Variants in TSPAN9 observed in about 807,000 individuals in gnomAD.
TSPAN9 encodes tetraspanin 9, also known as tetraspanin-9.
TSPAN9 carries 16 observed loss-of-function variants against 31.0 expected under a neutral mutation model. The ratio of observed to expected loss-of-function variants is 0.52; its 90% confidence interval spans 0.35 to 0.78. The LOEUF is 0.78. Among genes scored for constraint, TSPAN9 ranks in the 30% least tolerant of loss-of-function variants. The pLI is 0.01. For missense variants in TSPAN9, 272 were observed against 312.5 expected (o/e 0.87, Z 0.98); for synonymous variants, 145 against 121.6 (o/e 1.19, Z -1.27).
At chr12:3,142,646 C>T (rs1400732409) in intron 2 of TSPAN9, among the ~76,000 whole-genome samples, 2 of 152,070 alleles carry the variant, frequency 1.3e-5, no homozygotes, top group African/African-American at 2.4e-5. Flanking sequence ...CTGCCCCCTG[C>T]GCCATGCTCT....
At chr12:3,226,662 G>A (rs1303443402) in intron 3 of TSPAN9, among the ~76,000 whole-genome samples, 69 of 206 alleles carry the variant, frequency 0.33, 3 homozygotes, top group East Asian at 0.5. Context: ...ATGTGTGTGT[G>A]TGTGTGTGTG....
At position 3,278,620 on chromosome 12, in the gene TSPAN9, C is replaced by G; in HGVS notation, c.255+8C>G. 1 of 1,610,812 alleles carries G rather than the reference C, an allele frequency of 6.2e-7. No homozygotes were observed. The highest frequency in any genetic ancestry group is 8.5e-7 in the Non-Finnish European group (1 of 1,177,758). ...AAGTGCCTCCTCCTCAGCGTAAGTT[C>G]TGTCCAAATCCCCAGCCCCTCCAAC... On this transcript the variant is annotated splice_region_variant and intron_variant, in intron 4 of 8. Coordinates refer to ENST00000011898, the MANE Select transcript of TSPAN9 (RefSeq NM_006675.5).
intron 2 of TSPAN9, among the ~76,000 whole-genome samples, chr12:3,161,836 G>A (rs2098345509): frequency 6.6e-6 from 1 of 151,952 alleles, no homozygotes. Context: ...TTGTTTTAGA[G>A]ATAGGGTCTC....
At chr12:3,165,552 C>T (rs148663519) in intron 2 of TSPAN9, among the ~76,000 whole-genome samples, 68 of 152,232 alleles carry the variant, frequency 4.5e-4, no homozygotes, top group Non-Finnish European at 8.1e-4. Context: ...TTGCTGCCGC[C>T]GTACTGCAAG....
intron 3 of TSPAN9, among the ~76,000 whole-genome samples, chr12:3,277,751 C>T (rs998690208): frequency 9.2e-5 from 14 of 152,172 alleles, no homozygotes; most frequent in South Asian, 8.3e-4. Context: ...GTTTGGGGGC[C>T]GATCATGCCA....
intron 8 of TSPAN9, among the ~76,000 whole-genome samples, chr12:3,282,468 G>C (rs568515989): frequency 6.6e-6 from 1 of 152,002 alleles, no homozygotes; most frequent in African/African-American, 2.4e-5. Context: ...GTCATAGCTC[G>C]CTGCAGCCAC....
chr12:3,278,603 C>T lies in TSPAN9; in HGVS notation c.246C>T (p.Leu82=). The T allele has an allele frequency of 7.4e-6, 12 of 1,614,024 alleles. No homozygotes were observed. The Middle Eastern group carries it at 4.9e-4, about 67-fold the overall frequency. Residue 82 remains leucine, a synonymous_variant, in exon 4 of 9, where the codon CTC becomes CTT. Transcript: ENST00000011898. ...CLGAIKENKC[L]LLSFFIVLLV... ...GGGCCATCAAGGAAAACAAGTGCCT[C>T]CTCCTCAGCGTAAGTTCTGTCCAAA...
chr12:3,276,493 T>G (rs951658650), intron 3 of TSPAN9, among the ~76,000 whole-genome samples: 3 of 152,194 alleles, frequency 2.0e-5, no homozygotes, highest in African/African-American at 7.2e-5. Context: ...ACTCCGGGGC[T>G]TTTGCACCTG....
intron 3 of TSPAN9, among the ~76,000 whole-genome samples, chr12:3,252,613 A>G (rs894906075): frequency 1.2e-4 from 18 of 152,196 alleles, no homozygotes; most frequent in Non-Finnish European, 7.3e-5. Flanking sequence ...TCCTCTTGTC[A>G]TCACAGCCGG....
At chr12:3,215,761 T>C (rs2098381070) in intron 3 of TSPAN9, among the ~76,000 whole-genome samples, 1 of 152,140 alleles carries the variant, frequency 6.6e-6, no homozygotes, top group Non-Finnish European at 1.5e-5. Flanking sequence ...TTTGCTGCTC[T>C]CTCCAGGCTC....
In TSPAN9 at chr12:3,283,210, C is replaced by T. The variant is rs1016735049; in HGVS notation, c.*94C>T. The T allele has an allele frequency of 2.3e-6, 3 of 1,327,548 alleles. No homozygotes were observed. The highest frequency in any genetic ancestry group is 2.1e-6 in the Non-Finnish European group (2 of 955,050). 82.2% of individuals were successfully genotyped at this position (1,327,548 alleles called of 1,614,324 possible). ...ACCTGCCTGCGCTCTCCAGATATGA[C>T]CCCTGCACCCACCCCCCACAGCCTG... On this transcript the variant is annotated 3_prime_UTR_variant, in exon 9 of 9. Coordinates refer to ENST00000011898, the MANE Select transcript of TSPAN9 (RefSeq NM_006675.5).
chr12:3,266,340 C>T (rs1003040284), intron 3 of TSPAN9, among the ~76,000 whole-genome samples: 22 of 152,116 alleles, frequency 1.4e-4, no homozygotes, highest in Non-Finnish European at 7.4e-5. Flanking sequence ...ACAAAGATGC[C>T]ACTGGGTTGG....
intron 3 of TSPAN9, among the ~76,000 whole-genome samples, chr12:3,275,343 C>T (rs1478990404): frequency 6.6e-6 from 1 of 152,156 alleles, no homozygotes; most frequent in Non-Finnish European, 1.5e-5. Flanking sequence ...GCTCTGGGGT[C>T]CTGCGTGTCT....
chr12:3,187,078 C>T lies in TSPAN9; in HGVS notation c.-17-14099C>T, dbSNP rs899374836. On this transcript the variant is annotated intron_variant, in intron 2 of 8. Transcript: ENST00000011898. This position sits in a 1 kb window ranked among gnomAD's most constrained non-coding sequence, Gnocchi z 5.2. ...TTCCCCTGTAGAGCTGATTGTTGAA[C>T]GTCTGCCAGCCCACCACTGGATTGT... Among the ~76,000 whole-genome samples the T allele has an allele frequency of 5.9e-5, 9 of 152,150 alleles. No homozygotes were observed. Among genetic ancestry groups the T allele is most frequent in the African/African-American group, 1.7e-4 (7 of 41,432 alleles).
intron 3 of TSPAN9, among the ~76,000 whole-genome samples, chr12:3,244,191 G>A (rs761376093): frequency 6.6e-5 from 10 of 152,190 alleles, no homozygotes; most frequent in East Asian, 1.9e-4. Flanking sequence ...TGTCTGTGAC[G>A]CAGCCTTCTT....
At chr12:3,251,138 C>T (rs1166497913) in intron 3 of TSPAN9, among the ~76,000 whole-genome samples, 1 of 152,198 alleles carries the variant, frequency 6.6e-6, no homozygotes, top group East Asian at 1.9e-4. Flanking sequence ...CTGTGGGCTA[C>T]TTAGAAGTTG....
intron 3 of TSPAN9, among the ~76,000 whole-genome samples, chr12:3,221,780 T>G (rs1386212535): frequency 2.0e-5 from 3 of 152,182 alleles, no homozygotes; most frequent in African/African-American, 7.2e-5. Flanking sequence ...CTCAGTCTCC[T>G]AAGTAGCTGG....
chr12:3,227,036 C>T (rs1202288949), intron 3 of TSPAN9, among the ~76,000 whole-genome samples: 1 of 151,362 alleles, frequency 6.6e-6, no homozygotes, highest in Non-Finnish European at 1.5e-5. Context: ...TGACACTTAC[C>T]TGCATGTCTG....
intron 3 of TSPAN9, among the ~76,000 whole-genome samples, chr12:3,222,577 A>C (rs936705784): frequency 5.3e-5 from 8 of 152,108 alleles, no homozygotes; most frequent in African/African-American, 1.7e-4. Flanking sequence ...GCCTCTCTGG[A>C]TGCTGCCCAG....
Sources: allele counts gnomAD v4.1 joint callset (sites outside exome capture counted in the v4.1 genomes callset), GRCh38; gene constraint gnomAD v4.1.1; non-coding constraint Gnocchi (gnomAD v3.1); transcripts MANE v1.5; gene names NCBI Gene and HGNC (gene_info 2026-07-23, HGNC 2026-07-21).